The following MSI2 variants were observed in gnomAD, a reference collection of about 807,000 sequenced individuals.
The protein encoded by MSI2 is RNA-binding protein Musashi homolog 2.
Under a neutral mutation model 45.6 loss-of-function variants are expected in MSI2, and 17 were observed. The ratio of observed to expected loss-of-function variants is 0.37; its 90% confidence interval spans 0.26 to 0.56. The LOEUF (loss-of-function observed/expected upper bound fraction) is 0.56, where lower values mean the gene tolerates loss of function less well. Among genes scored for constraint, MSI2 ranks in the 20% least tolerant of loss-of-function variants. The pLI is 0.77. For synonymous variants in MSI2, 156 were observed against 158.2 expected, an observed-to-expected ratio of 0.99 and a Z score of 0.11; for missense variants, 293 against 444.2, an observed-to-expected ratio of 0.66 and a Z score of 3.06.
At chr17:57,424,127 T>C (rs182520287) in intron 6 of MSI2, among the ~76,000 whole-genome samples, 2 of 152,182 alleles carry the variant, frequency 1.3e-5, no homozygotes, top group Admixed American at 6.5e-5. Context: ...CCCTGAACTC[T>C]CCGAATGTTC....
chr17:57,359,430 G>A (rs1014875805), intron 5 of MSI2, among the ~76,000 whole-genome samples: 1 of 152,200 alleles, frequency 6.6e-6, no homozygotes, highest in Non-Finnish European at 1.5e-5. Context: ...ACCAACTTCT[G>A]TAATTCTGTA....
chr17:57,470,811 A>G (rs1374933395), intron 6 of MSI2, among the ~76,000 whole-genome samples: 2 of 152,204 alleles, frequency 1.3e-5, no homozygotes, highest in Admixed American at 6.5e-5. Flanking sequence ...CTGGGTTCAA[A>G]TCCTGGCCCC....
At chr17:57,372,262 C>A (rs2083432109) in intron 5 of MSI2, among the ~76,000 whole-genome samples, 1 of 152,180 alleles carries the variant, frequency 6.6e-6, no homozygotes, top group Non-Finnish European at 1.5e-5. Context: ...TTATCTTCAA[C>A]ACACTGACCT....
Position 57,258,291 on chromosome 17 carries a change from C to T in MSI2, c.207C>T (p.Phe69=), listed in dbSNP as rs1180857593. 2 of 1,614,136 alleles carry T rather than the reference C, an allele frequency of 1.2e-6. No individual in the cohort carries two copies. The highest frequency in any genetic ancestry group is 1.7e-6 in the Non-Finnish European group (2 of 1,180,002). ...KRSRGFGFVT[F]ADPASVDKVL... is the part of the protein sequence containing the mutation. The stretch of plus-strand genomic sequence containing the variant: ...TCAGAGGCTTCGGTTTCGTCACGTT[C>T]GCAGACCCAGCAAGTGTAGATAAAG... Residue 69 remains phenylalanine, a synonymous_variant, in exon 4 of 14, where the codon TTC becomes TTT. Transcript: ENST00000284073.
intron 9 of MSI2, among the ~76,000 whole-genome samples, chr17:57,623,360 C>T (rs1013297050): frequency 3.1e-4 from 47 of 152,036 alleles, no homozygotes; most frequent in African/African-American, 1.0e-3. Flanking sequence ...TAACAGAGCC[C>T]GGGAGAAGAT....
downstream of MSI2, among the ~76,000 whole-genome samples, chr17:57,688,803 GA>G (rs1363349598): frequency 1.2e-4 from 19 of 152,148 alleles, no homozygotes; most frequent in African/African-American, 4.3e-4. Context: ...ACAAGTGGGA[GA>G]GGGGGATAGG....
At chr17:57,614,335 G>A (rs1907469995) in intron 8 of MSI2, among the ~76,000 whole-genome samples, 1 of 152,198 alleles carries the variant, frequency 6.6e-6, no homozygotes, top group African/African-American at 2.4e-5. Flanking sequence ...TTACAGGTGT[G>A]AGCCACCACG....
At chr17:57,314,967 G>A (rs1224757185) in intron 5 of MSI2, among the ~76,000 whole-genome samples, 1 of 152,164 alleles carries the variant, frequency 6.6e-6, no homozygotes, top group East Asian at 1.9e-4. Context: ...TTGGCTGCAG[G>A]TTAGAATCAT....
intron 4 of MSI2, chr17:57,260,015 C>T (rs952531416): frequency 6.6e-6 from 1 of 152,162 alleles, no homozygotes; most frequent in Non-Finnish European, 1.5e-5. Context: ...GACATGGAAA[C>T]GAGGATCTTG....
At chr17:57,279,726 C>G (rs1273807376) in intron 5 of MSI2, 2 of 152,128 alleles carry the variant, frequency 1.3e-5, no homozygotes, top group Non-Finnish European at 2.9e-5. Flanking sequence ...CTCACTGCAG[C>G]CTTGAATTCC....
intron 5 of MSI2, among the ~76,000 whole-genome samples, chr17:57,342,453 T>C (rs910361700): frequency 1.3e-5 from 2 of 152,230 alleles, no homozygotes; most frequent in Admixed American, 1.3e-4. Flanking sequence ...AGTTTGTAGC[T>C]CATGATTTGA....
chr17:57,318,988 T>TG (rs1598113399), intron 5 of MSI2, among the ~76,000 whole-genome samples: 2 of 152,236 alleles, frequency 1.3e-5, no homozygotes, highest in African/African-American at 4.8e-5. Context: ...CCAGGCCCCC[T>TG]GCCTTTAGGT....
intron 5 of MSI2, among the ~76,000 whole-genome samples, chr17:57,346,515 G>T (rs1241128549): frequency 3.9e-5 from 6 of 152,204 alleles, no homozygotes. Context: ...AATAAGTGTA[G>T]TCCAAGCTGG....
At chr17:57,693,449 A>G in the MSI2 span, among the ~76,000 whole-genome samples, 1 of 151,716 alleles carries the variant, frequency 6.6e-6, no homozygotes, top group Admixed American at 6.6e-5. Flanking sequence ...AAGTCTGTTG[A>G]CCTATTTTCA....
At chr17:57,570,979 C>T (rs1387260488) in intron 7 of MSI2, among the ~76,000 whole-genome samples, 1 of 152,214 alleles carries the variant, frequency 6.6e-6, no homozygotes, top group Non-Finnish European at 1.5e-5. Flanking sequence ...GCCCCTCCCC[C>T]TGCAGATTTG....
chr17:57,694,488 G>A, the MSI2 span, among the ~76,000 whole-genome samples: 142 of 152,172 alleles, frequency 9.3e-4, 4 homozygotes, highest in Admixed American at 7.2e-4. Flanking sequence ...CCCTCCTCCC[G>A]AAAGCTAAGG....
At chr17:57,273,116 A>C (rs1189122382) in intron 5 of MSI2, among the ~76,000 whole-genome samples, 1 of 152,204 alleles carries the variant, frequency 6.6e-6, no homozygotes, top group Non-Finnish European at 1.5e-5. Context: ...TTGGGTTGTG[A>C]ATCTCCACGA....
At chr17:57,380,965 C>G (rs1420928057) in intron 5 of MSI2, among the ~76,000 whole-genome samples, 1 of 152,126 alleles carries the variant, frequency 6.6e-6, no homozygotes, top group Non-Finnish European at 1.5e-5. Flanking sequence ...ATTCTGGCTC[C>G]CCTGACCCCC....
At chr17:57,273,933 G>A (rs573339782) in intron 5 of MSI2, among the ~76,000 whole-genome samples, 156 of 152,284 alleles carry the variant, frequency 1.0e-3, no homozygotes, top group Middle Eastern at 6.8e-3. Context: ...GTGTCAGAGC[G>A]GGGGAACTGC....
Sources: allele counts gnomAD v4.1 joint callset (sites outside exome capture counted in the v4.1 genomes callset), GRCh38; gene constraint gnomAD v4.1.1; transcripts MANE v1.5; gene names NCBI Gene and HGNC (gene_info 2026-07-23, HGNC 2026-07-21).